SYNE1: variants seen among roughly 807,000 people sequenced by gnomAD.
SYNE1 encodes the protein spectrin repeat containing nuclear envelope protein 1.
Under a neutral mutation model 1,111.0 loss-of-function variants are expected in SYNE1, and 616 were observed. The observed-to-expected ratio is 0.55, with a 90% CI of 0.52 to 0.59. The LOEUF (loss-of-function observed/expected upper bound fraction) is 0.59. Ranked by LOEUF, SYNE1 falls within the 20% of genes least tolerant of loss-of-function variation. The pLI, the probability that SYNE1 is intolerant of heterozygous loss-of-function variation, is 0.00. For missense variants in SYNE1, 10,006 were observed against 10,417.0 expected (o/e 0.96, Z 1.72); for synonymous variants, 3,855 against 3,825.8 (o/e 1.01, Z -0.28).
intron 130 of SYNE1, among the ~76,000 whole-genome samples, chr6:152,173,953 T>C (rs1374637397): frequency 6.6e-6 from 1 of 152,200 alleles, no homozygotes; most frequent in Non-Finnish European, 1.5e-5. Flanking sequence ...ACAAAATATG[T>C]TATAAATAAA....
At chr6:152,375,762 T>G (rs2097269148) in intron 58 of SYNE1, among the ~76,000 whole-genome samples, 1 of 152,180 alleles carries the variant, frequency 6.6e-6, no homozygotes, top group African/African-American at 2.4e-5. Flanking sequence ...AAAATCCACT[T>G]AAAGTGCTCA....
At chr6:152,562,609 C>G (rs1401970889) in intron 3 of SYNE1, among the ~76,000 whole-genome samples, 2 of 152,168 alleles carry the variant, frequency 1.3e-5, no homozygotes, top group Non-Finnish European at 2.9e-5. Context: ...ATATGCCCTG[C>G]ACACTATTCA....
At position 152,350,073 on chromosome 6, in the gene SYNE1, T is replaced by C. The variant is rs150758664; in HGVS notation, c.11901+95A>G. ...ATTATAAACCAGAGATGCACCTGTG[T>C]GTGCACCCCCACACATGCACACACA... On this transcript the variant is annotated intron_variant, in intron 72 of 145. Transcript: ENST00000367255. 1,039 of 1,479,884 alleles carry C rather than the reference T, an allele frequency of 7.0e-4. 8 individuals carry two copies. In the African/African-American group the frequency reaches 0.013, roughly 18 times the overall value. The allele number at this position is 1,479,884 out of a possible 1,614,324, so 91.7% of individuals were successfully genotyped here. A position where few individuals can be genotyped will look rare whatever the true frequency, so the allele number is the denominator to read the frequency against.
intron 2 of SYNE1, among the ~76,000 whole-genome samples, chr6:152,635,219 A>C (rs1288003408): frequency 6.6e-6 from 1 of 152,248 alleles, no homozygotes; most frequent in Non-Finnish European, 1.5e-5. Context: ...GACAGAAGAA[A>C]ACCAGTTTGT....
chr6:152,409,483 T>C, intron 43 of SYNE1, 76 bp downstream of exon 43: 1 of 1,561,640 alleles, frequency 6.4e-7, no homozygotes, highest in Non-Finnish European at 8.7e-7. Context: ...ATAAGAATAG[T>C]GCAGATAACT....
chr6:152,589,623 G>C (rs1264827344), intron 3 of SYNE1, among the ~76,000 whole-genome samples: 1 of 152,062 alleles, frequency 6.6e-6, no homozygotes, highest in Non-Finnish European at 1.5e-5. Context: ...TTAATATTTG[G>C]AAGCTTTGAG....
At chr6:152,545,160 CA>C (rs773288608) in intron 3 of SYNE1, among the ~76,000 whole-genome samples, 7 of 152,128 alleles carry the variant, frequency 4.6e-5, no homozygotes, top group Admixed American at 2.6e-4. Flanking sequence ...TATAGCATCT[CA>C]TGTATCAGTA....
chr6:152,560,908 T>C (rs1433735472), intron 3 of SYNE1, among the ~76,000 whole-genome samples: 2 of 152,162 alleles, frequency 1.3e-5, no homozygotes, highest in African/African-American at 2.4e-5. Context: ...ACAGGAGGAA[T>C]GTATCTCAAC....
At chr6:152,619,204 T>C (rs980174612) in intron 3 of SYNE1, among the ~76,000 whole-genome samples, 1 of 152,168 alleles carries the variant, frequency 6.6e-6, no homozygotes, top group Non-Finnish European at 1.5e-5. Context: ...AAAGTCTGGT[T>C]CCCCCCTTTA....
At chr6:152,401,742 T>C (rs2097822689) in intron 46 of SYNE1, among the ~76,000 whole-genome samples, 1 of 152,216 alleles carries the variant, frequency 6.6e-6, no homozygotes, top group South Asian at 2.1e-4. Flanking sequence ...AACATCACTG[T>C]AGGATTTTAT....
At chr6:152,624,352 A>G (rs2099681807) in intron 3 of SYNE1, among the ~76,000 whole-genome samples, 1 of 152,210 alleles carries the variant, frequency 6.6e-6, no homozygotes, top group South Asian at 2.1e-4. Flanking sequence ...CACATTTAAA[A>G]TGTAGTTAAT....
chr6:152,206,440 T>G, intron 125 of SYNE1, 78 bp from the exon 126 acceptor site: 3 of 1,521,426 alleles, frequency 2.0e-6, no homozygotes, highest in Non-Finnish European at 2.7e-6. Flanking sequence ...TAAATGGCCC[T>G]AACTTTTGCC....
chr6:152,593,507 G>A (rs573519596), intron 3 of SYNE1, among the ~76,000 whole-genome samples: 6 of 152,148 alleles, frequency 3.9e-5, no homozygotes, highest in East Asian at 1.9e-4. Context: ...GCGTGAATCC[G>A]GGAGGCAGAG....
At chr6:152,196,919 A>G (rs986362544) in intron 127 of SYNE1, among the ~76,000 whole-genome samples, 1 of 152,182 alleles carries the variant, frequency 6.6e-6, no homozygotes, top group African/African-American at 2.4e-5. Flanking sequence ...ATTTTAGCCC[A>G]TGGTAGCAAG....
chr6:152,550,517 GA>G (rs753063181), intron 3 of SYNE1, among the ~76,000 whole-genome samples: 1 of 151,350 alleles, frequency 6.6e-6, no homozygotes, highest in Non-Finnish European at 1.5e-5. Context: ...CAACAATGTG[GA>G]AATGCTTTCA....
intron 72 of SYNE1, among the ~76,000 whole-genome samples, chr6:152,349,604 G>A (rs1440732837): frequency 1.3e-5 from 2 of 152,194 alleles, no homozygotes; most frequent in African/African-American, 4.8e-5. Context: ...TTCAACGCGA[G>A]GATTCAACTC....
chr6:152,427,817 C>T lies in SYNE1; in HGVS notation c.4977-1G>A, dbSNP rs1257395919. ...AAAGGATGATAGTTCTTTCTCTAGC[C>T]TAAAGGAAGCAGAGAGCAGAAACAA... On this transcript the variant is annotated splice_acceptor_variant, in intron 37 of 145. Transcript: ENST00000367255. LOFTEE classifies it high-confidence loss of function. 3.1e-6 allele frequency: 5 copies of T among 1,613,966 alleles called. No homozygotes were observed. The highest frequency in any genetic ancestry group is 3.4e-6 in the Non-Finnish European group (4 of 1,180,004).
intron 47 of SYNE1, among the ~76,000 whole-genome samples, chr6:152,400,493 T>C (rs1457579916): frequency 6.6e-6 from 1 of 151,868 alleles, no homozygotes; most frequent in Non-Finnish European, 1.5e-5. Flanking sequence ...ATGAAACCCA[T>C]CTCTACTAAA....
chr6:152,202,863 A>T (rs1017802890), intron 126 of SYNE1, among the ~76,000 whole-genome samples: 2 of 152,222 alleles, frequency 1.3e-5, no homozygotes, highest in Non-Finnish European at 2.9e-5. Context: ...TATCTTGTTC[A>T]TGCTGAAACA....
Sources: allele counts gnomAD v4.1 joint callset (sites outside exome capture counted in the v4.1 genomes callset), GRCh38; gene constraint gnomAD v4.1.1; transcripts MANE v1.5; gene names NCBI Gene and HGNC (gene_info 2026-07-23, HGNC 2026-07-21).